The following PLAAT3 variants were observed in gnomAD, a reference collection of about 807,000 sequenced individuals.
PLAAT3 encodes the protein Ca-independent phospholipase A1/2.
PLAAT3 carries 21 observed loss-of-function variants against 16.7 expected under a neutral mutation model. The ratio of observed to expected loss-of-function variants is 1.26; its 90% confidence interval spans 0.89 to 1.81. The LOEUF is 1.81. Ranked by LOEUF, PLAAT3 falls within the 40% of genes most tolerant of loss-of-function variation. The probability of loss-of-function intolerance (pLI) is 0.00; values close to 1 mark genes in which losing one functional copy is unlikely to be tolerated. For missense variants in PLAAT3, 219 were observed against 213.7 expected, an observed-to-expected ratio of 1.02 and a Z score of -0.16; for synonymous variants, 76 against 81.7, an observed-to-expected ratio of 0.93 and a Z score of 0.38.
chr11:63,605,540 G>A (rs996721840), intron 2 of PLAAT3, among the ~76,000 whole-genome samples: 9 of 151,876 alleles, frequency 5.9e-5, no homozygotes, highest in African/African-American at 2.2e-4. Context: ...TGTCTTTTTT[G>A]TTCTTTGTTT....
chr11:63,593,803 C>T (rs1382415829), intron 3 of PLAAT3, among the ~76,000 whole-genome samples: 2 of 152,186 alleles, frequency 1.3e-5, no homozygotes, highest in Non-Finnish European at 2.9e-5. Context: ...TGGTCTCAAA[C>T]TCCTGATCTC....
intron 3 of PLAAT3, among the ~76,000 whole-genome samples, chr11:63,596,066 C>T (rs1190300113): frequency 6.6e-6 from 1 of 151,638 alleles, no homozygotes; most frequent in African/African-American, 2.4e-5. Flanking sequence ...ACAGTGAAAC[C>T]CCGTCTCTAC....
intron 4 of PLAAT3, among the ~76,000 whole-genome samples, chr11:63,577,212 C>T (rs1937640881): frequency 6.6e-6 from 1 of 150,584 alleles, no homozygotes; most frequent in African/African-American, 2.5e-5. Context: ...GCTCTTGTTG[C>T]CCAGGCTAGA....
At chr11:63,591,737 C>T (rs1406564066) in intron 3 of PLAAT3, among the ~76,000 whole-genome samples, 1 of 152,230 alleles carries the variant, frequency 6.6e-6, no homozygotes, top group Non-Finnish European at 1.5e-5. Context: ...GCACGTGAAG[C>T]TTGGAAGATT....
At chr11:63,595,977 C>T (rs565216017) in intron 3 of PLAAT3, among the ~76,000 whole-genome samples, 6 of 152,018 alleles carry the variant, frequency 3.9e-5, no homozygotes, top group East Asian at 1.9e-4. Context: ...CACAGTGGCT[C>T]ACGCCTGTAA....
intron 4 of PLAAT3, 137 bp downstream of exon 4, chr11:63,589,960 TCCC>T: frequency 8.4e-6 from 2 of 238,368 alleles, no homozygotes; most frequent in Non-Finnish European, 1.2e-5. Flanking sequence ...CCCACCCTTG[TCCC>T]AACTGTGACA....
intron 4 of PLAAT3, among the ~76,000 whole-genome samples, chr11:63,585,966 C>G (rs1937961177): frequency 6.6e-6 from 1 of 151,916 alleles, no homozygotes; most frequent in Non-Finnish European, 1.5e-5. Context: ...TCTATAATTC[C>G]AGCACTTTGG....
chr11:63,598,978 A>G (rs1938359394), intron 2 of PLAAT3, among the ~76,000 whole-genome samples: 1 of 152,186 alleles, frequency 6.6e-6, no homozygotes, highest in Non-Finnish European at 1.5e-5. Flanking sequence ...TTAGGGGAGC[A>G]TGGGGCAGAG....
Position 63,574,481 on chromosome 11 carries a change from G to C in PLAAT3, c.*464C>G, listed in dbSNP as rs2037621550. The C allele has an allele frequency of 6.7e-6, 1 of 149,962 alleles. No homozygotes were observed. Among genetic ancestry groups the C allele is most frequent in the Non-Finnish European group, 1.5e-5 (1 of 68,288 alleles). The allele number at this position is 149,962 out of a possible 1,614,324, so 9.3% of individuals were successfully genotyped here. The stretch of plus-strand genomic sequence containing the variant: ...CGAGGACTTTTTTTTTTTCAACTCA[G>C]CTGAACATCTACAGACTCCAGCTGC... On this transcript the variant is annotated 3_prime_UTR_variant, in exon 5 of 5. Transcript: ENST00000415826.
upstream of PLAAT3, among the ~76,000 whole-genome samples, chr11:63,615,578 A>C (rs1938854038): frequency 6.6e-6 from 1 of 152,086 alleles, no homozygotes; most frequent in Non-Finnish European, 1.5e-5. Flanking sequence ...AGAAAAAGCA[A>C]CATCCTTATC....
At chr11:63,592,697 A>G (rs137975891) in intron 3 of PLAAT3, among the ~76,000 whole-genome samples, 70 of 152,206 alleles carry the variant, frequency 4.6e-4, no homozygotes, top group African/African-American at 1.5e-3. Context: ...TAAGTTTCTT[A>G]ACTTCTCTGA....
chr11:63,603,047 C>A (rs1225268135), intron 2 of PLAAT3, among the ~76,000 whole-genome samples: 1 of 152,180 alleles, frequency 6.6e-6, no homozygotes, highest in Non-Finnish European at 1.5e-5. Flanking sequence ...GAGCTGAGAT[C>A]ACGCCATTGC....
intron 2 of PLAAT3, among the ~76,000 whole-genome samples, chr11:63,604,699 C>T (rs1370620793): frequency 1.3e-5 from 2 of 151,970 alleles, no homozygotes; most frequent in East Asian, 1.9e-4. Context: ...AGAAGTGGAG[C>T]TTGCAGTGAG....
intron 2 of PLAAT3, among the ~76,000 whole-genome samples, chr11:63,599,403 T>G (rs1938368738): frequency 6.6e-6 from 1 of 152,106 alleles, no homozygotes; most frequent in Non-Finnish European, 1.5e-5. Context: ...CCATCAAGGA[T>G]GAGGCATGGG....
At chr11:63,599,299 G>C (rs951929880) in intron 2 of PLAAT3, among the ~76,000 whole-genome samples, 1 of 152,190 alleles carries the variant, frequency 6.6e-6, no homozygotes, top group African/African-American at 2.4e-5. Flanking sequence ...TGAAGATATG[G>C]GGTGAGGACT....
chr11:63,580,734 T>C (rs989235102), intron 4 of PLAAT3, among the ~76,000 whole-genome samples: 1 of 152,192 alleles, frequency 6.6e-6, no homozygotes, highest in Non-Finnish European at 1.5e-5. Context: ...CCTTAAAAGG[T>C]AGAAGACAGA....
At chr11:63,581,265 G>C (rs184256353) in intron 4 of PLAAT3, among the ~76,000 whole-genome samples, 6 of 152,316 alleles carry the variant, frequency 3.9e-5, no homozygotes, top group Admixed American at 6.5e-5. Flanking sequence ...GGGCAGAATA[G>C]AGCCATATTT....
rs1191537385 is a variant in PLAAT3 at position 63,598,103 on chromosome 11, T to C, written c.76A>G (p.Ile26Val). 1 of 1,614,088 alleles carries C rather than the reference T, an allele frequency of 6.2e-7. No individual in the cohort carries two copies. Among genetic ancestry groups the C allele is most frequent in the East Asian group, 2.2e-5 (1 of 44,878 alleles). Residue 26 changes from isoleucine (I) to valine (V), a missense_variant, in exon 3 of 5, where the codon ATC becomes GTC. Coordinates refer to ENST00000415826, the MANE Select transcript of PLAAT3 (RefSeq NM_001128203.2). The stretch of plus-strand genomic sequence containing the variant: ...ACCACATATCCATCGCCAACATAGA[T>C]GGCCCAGTGTCTGTAGAAAGGGCGA... Reference protein sequence around the residue: ...IFRPFYRHWAIYVGDGYVVHL... With the variant: ...IFRPFYRHWAVYVGDGYVVHL...
chr11:63,615,338 GTA>G (rs143009848), upstream of PLAAT3, among the ~76,000 whole-genome samples: 18,407 of 27,534 alleles, frequency 0.67, 8,399 homozygotes, highest in East Asian at 0.97. Flanking sequence ...ATATATGTGT[GTA>G]TATATGTGTG....
Sources: gnomAD v4.1 joint callset for allele counts (sites outside exome capture counted in the v4.1 genomes callset) on GRCh38, gnomAD v4.1.1 for gene constraint, MANE v1.5 for transcripts, NCBI Gene and HGNC (gene_info 2026-07-23, HGNC 2026-07-21) for gene names.